The following GULP1 variants were observed in gnomAD, a reference collection of about 807,000 sequenced individuals.
The protein encoded by GULP1 is PTB domain-containing engulfment adapter protein 1.
A neutral mutation model predicts 40.9 loss-of-function variants in GULP1; 19 were observed. That is an observed-to-expected ratio of 0.46 (90% CI 0.32 to 0.68). The LOEUF (loss-of-function observed/expected upper bound fraction) is 0.68, where lower values mean the gene tolerates loss of function less well. Among genes scored for constraint, GULP1 ranks in the 30% least tolerant of loss-of-function variants. GULP1 has a pLI of 0.03. For synonymous variants in GULP1, 119 were observed against 117.6 expected, an observed-to-expected ratio of 1.01 and a Z score of -0.08; for missense variants, 312 against 362.2, an observed-to-expected ratio of 0.86 and a Z score of 1.12.
At chr2:188,484,024 A>G (rs1433963408) in intron 4 of GULP1, among the ~76,000 whole-genome samples, 2 of 151,962 alleles carry the variant, frequency 1.3e-5, no homozygotes, top group African/African-American at 4.8e-5. Context: ...CCTGGGTTCA[A>G]GTGATTCTCC....
At chr2:188,380,787 A>G (rs747867407) in intron 1 of GULP1, among the ~76,000 whole-genome samples, 6 of 152,172 alleles carry the variant, frequency 3.9e-5, no homozygotes, top group Non-Finnish European at 8.8e-5. Context: ...TAGAAATACA[A>G]GTTGGCCTGA....
intron 2 of GULP1, among the ~76,000 whole-genome samples, chr2:188,400,723 A>T (rs902342156): frequency 2.0e-5 from 3 of 152,176 alleles, no homozygotes; most frequent in Non-Finnish European, 4.4e-5. Flanking sequence ...TGAAATGATG[A>T]TGACTTGGAG....
chr2:188,311,727 A>G (rs1025107374), intron 1 of GULP1, among the ~76,000 whole-genome samples: 5 of 148,016 alleles, frequency 3.4e-5, no homozygotes, highest in Non-Finnish European at 7.5e-5. Context: ...TTATATTTAT[A>G]TATTTATAAA....
intron 7 of GULP1, among the ~76,000 whole-genome samples, chr2:188,552,239 C>G (rs115754577): frequency 0.011 from 1,669 of 151,744 alleles, 38 homozygotes; most frequent in African/African-American, 0.037. Flanking sequence ...CATAAATTCT[C>G]TGCCTAGCCC....
intron 1 of GULP1, among the ~76,000 whole-genome samples, chr2:188,358,181 A>AAACAACAAC (rs201363968): frequency 2.0e-5 from 3 of 151,688 alleles, no homozygotes; most frequent in East Asian, 3.9e-4. Flanking sequence ...ACTCCATCTC[A>AAACAACAAC]AACAACAACA....
intron 1 of GULP1, among the ~76,000 whole-genome samples, chr2:188,316,018 G>T (rs746498346): frequency 6.6e-6 from 1 of 152,030 alleles, no homozygotes; most frequent in Non-Finnish European, 1.5e-5. Flanking sequence ...AAGATAAAAA[G>T]AAATAGTTGT....
At chr2:188,434,042 T>C (rs1291697150) in intron 2 of GULP1, among the ~76,000 whole-genome samples, 1 of 151,974 alleles carries the variant, frequency 6.6e-6, no homozygotes, top group Non-Finnish European at 1.5e-5. Flanking sequence ...CCTTATGTCA[T>C]TGTTTTTTTC....
intron 2 of GULP1, among the ~76,000 whole-genome samples, chr2:188,393,300 T>G (rs1224659861): frequency 6.6e-6 from 1 of 152,054 alleles, no homozygotes; most frequent in Non-Finnish European, 1.5e-5. Context: ...TAATATCTTT[T>G]TGCTAGACTG....
intron 1 of GULP1, among the ~76,000 whole-genome samples, chr2:188,295,732 T>G (rs2034765062): frequency 6.6e-6 from 1 of 152,086 alleles, no homozygotes; most frequent in Non-Finnish European, 1.5e-5. Context: ...CTTTATATTA[T>G]AATTAATAGT....
At chr2:188,473,642 T>A (rs1425796970) in intron 2 of GULP1, among the ~76,000 whole-genome samples, 1 of 152,174 alleles carries the variant, frequency 6.6e-6, no homozygotes, top group Non-Finnish European at 1.5e-5. Context: ...GTGCTGAATC[T>A]TGCCAGTCCT....
intron 2 of GULP1, among the ~76,000 whole-genome samples, chr2:188,464,928 G>A (rs910830218): frequency 3.9e-5 from 6 of 152,110 alleles, no homozygotes; most frequent in Non-Finnish European, 5.9e-5. Flanking sequence ...CTTCCCCAGA[G>A]AAGGTCCAGA....
At chr2:188,566,104 T>C (rs902342595) in intron 7 of GULP1, among the ~76,000 whole-genome samples, 1 of 152,144 alleles carries the variant, frequency 6.6e-6, no homozygotes, top group Non-Finnish European at 1.5e-5. Flanking sequence ...ATATATCTTA[T>C]ATGATTCATA....
At chr2:188,339,892 G>C (rs767679585) in intron 1 of GULP1, among the ~76,000 whole-genome samples, 21 of 152,304 alleles carry the variant, frequency 1.4e-4, no homozygotes, top group Non-Finnish European at 2.2e-4. Flanking sequence ...TCATTTATAG[G>C]ATTAGGATTT....
intron 1 of GULP1, among the ~76,000 whole-genome samples, chr2:188,345,782 G>A (rs1426052499): frequency 1.3e-5 from 2 of 152,208 alleles, no homozygotes; most frequent in Non-Finnish European, 2.9e-5. Context: ...AGGGGTAGAA[G>A]TTTAGAAGAG....
chr2:188,343,679 A>G (rs2043254260), intron 1 of GULP1, among the ~76,000 whole-genome samples: 1 of 152,236 alleles, frequency 6.6e-6, no homozygotes, highest in Non-Finnish European at 1.5e-5. Flanking sequence ...CTTATGTGAC[A>G]AATACCCATT....
intron 7 of GULP1, among the ~76,000 whole-genome samples, chr2:188,565,729 T>C (rs1198866665): frequency 1.3e-5 from 2 of 152,116 alleles, no homozygotes; most frequent in Admixed American, 6.6e-5. Flanking sequence ...CTTAGAAGAA[T>C]GTTTGTGGTA....
At chr2:188,387,924 C>T (rs1354445581) in intron 2 of GULP1, among the ~76,000 whole-genome samples, 1 of 151,724 alleles carries the variant, frequency 6.6e-6, no homozygotes, top group Non-Finnish European at 1.5e-5. Context: ...TACATGTGCA[C>T]AATGTGCAGG....
intron 4 of GULP1, among the ~76,000 whole-genome samples, chr2:188,490,712 A>G (rs2062291837): frequency 6.6e-6 from 1 of 152,106 alleles, no homozygotes; most frequent in African/African-American, 2.4e-5. Context: ...CCTTCAGAGC[A>G]TCTAGTGATA....
intron 1 of GULP1, among the ~76,000 whole-genome samples, chr2:188,322,301 CTT>C: frequency 6.8e-6 from 1 of 146,178 alleles, no homozygotes; most frequent in African/African-American, 2.5e-5. Context: ...TATTTTAGAG[CTT>C]TTTTTTTTAG....
Sources: allele counts gnomAD v4.1 joint callset (sites outside exome capture counted in the v4.1 genomes callset), GRCh38; gene constraint gnomAD v4.1.1; transcripts MANE v1.5; gene names NCBI Gene and HGNC (gene_info 2026-07-23, HGNC 2026-07-21).